The following SS18 variants were observed in gnomAD, a reference collection of about 807,000 sequenced individuals.
The protein encoded by SS18 is SS18 subunit of BAF chromatin remodeling complex.
SS18 carries 28 observed loss-of-function variants against 72.5 expected under a neutral mutation model. That is an observed-to-expected ratio of 0.39 (90% CI 0.29 to 0.53). The LOEUF is 0.53. Among genes scored for constraint, SS18 ranks in the 20% least tolerant of loss-of-function variants. The probability of loss-of-function intolerance (pLI) is 0.76; values close to 1 mark genes in which losing one functional copy is unlikely to be tolerated. For synonymous variants in SS18, 172 were observed against 164.2 expected (o/e 1.05, Z -0.37); for missense variants, 518 against 535.3 (o/e 0.97, Z 0.32).
At chr18:26,020,807 A>T (rs2053335547) in intron 10 of SS18, among the ~76,000 whole-genome samples, 1 of 152,200 alleles carries the variant, frequency 6.6e-6, no homozygotes, top group Admixed American at 6.5e-5. Context: ...TCTGAATAGC[A>T]GAAAAGAAGA....
At chr18:26,038,801 T>C in intron 6 of SS18, 142 bp from the exon 7 acceptor site, 2 of 728,548 alleles carry the variant, frequency 2.7e-6, no homozygotes, top group Admixed American at 2.5e-5. Context: ...TACTTTTAGC[T>C]ATTCATATAC....
At chr18:26,067,755 A>G (rs953890788) in intron 3 of SS18, among the ~76,000 whole-genome samples, 1 of 152,210 alleles carries the variant, frequency 6.6e-6, no homozygotes, top group Non-Finnish European at 1.5e-5. Context: ...AAGCTAAAGA[A>G]TAAGTTTCAA....
At chr18:26,047,622 A>G (rs185950941) in intron 5 of SS18, among the ~76,000 whole-genome samples, 2,214 of 152,216 alleles carry the variant, frequency 0.015, 59 homozygotes, top group African/African-American at 0.051. Context: ...CGGGCAGATC[A>G]CAAGGTCAGG....
chr18:26,061,350 C>T (rs1003788362), intron 3 of SS18, among the ~76,000 whole-genome samples: 19 of 152,004 alleles, frequency 1.2e-4, no homozygotes, highest in East Asian at 3.9e-4. Flanking sequence ...ACAGGACAGA[C>T]GGAGAATTTC....
At chr18:26,053,121 T>C (rs1296095370) in intron 4 of SS18, among the ~76,000 whole-genome samples, 1 of 152,156 alleles carries the variant, frequency 6.6e-6, no homozygotes, top group African/African-American at 2.4e-5. Context: ...ATCATAAGGT[T>C]GGAGTAATTA....
rs1167058239 is a variant in SS18, at chr18:26,035,700, T to A, written c.973+131A>T. The stretch of plus-strand genomic sequence containing the variant: ...ATTATTTTGATTGTTTTGGGCTCCC[T>A]GCAACTTTCAAGAAAGCCAGCAACT... On this transcript the variant is annotated intron_variant, in intron 8 of 10. Coordinates refer to ENST00000415083, the MANE Select transcript of SS18 (RefSeq NM_001007559.3). This position sits in a 1 kb window ranked among gnomAD's most constrained non-coding sequence, Gnocchi z 4.4. 4.1e-6 allele frequency: 2 copies of A among 486,860 alleles called. No individual in the cohort carries two copies. The highest frequency in any genetic ancestry group is 7.0e-6 in the Non-Finnish European group (2 of 284,146). The allele number at this position is 486,860 out of a possible 1,614,324, so 30.2% of individuals were successfully genotyped here.
rs554710971 is a variant in SS18 at position 26,080,233 on chromosome 18, TTAAAA to T, written c.147-2078_147-2074del. 698 of 513,982 alleles carry T rather than the reference TTAAAA, an allele frequency of 1.4e-3. 4 individuals carry two copies. Among genetic ancestry groups the T allele is most frequent in the African/African-American group, 0.014 (653 of 48,170 alleles). The allele number at this position is 513,982 out of a possible 1,614,324, so 31.8% of individuals were successfully genotyped here. ...ATTCTGTAGAGATCTAGGAAGGAAC[TTAAAA>T]TATAGTGTTCCATATCTTGCCATTT... is the stretch of plus-strand genomic sequence containing the variant. On this transcript the variant is annotated intron_variant, in intron 2 of 10. Transcript: ENST00000415083.
intron 10 of SS18, among the ~76,000 whole-genome samples, chr18:26,028,627 A>C (rs916832681): frequency 6.6e-6 from 1 of 152,240 alleles, no homozygotes; most frequent in Non-Finnish European, 1.5e-5. Context: ...GTATCAAAAC[A>C]ATTATGCTGA....
At chr18:26,022,008 T>C (rs1449646279) in intron 10 of SS18, among the ~76,000 whole-genome samples, 1 of 152,126 alleles carries the variant, frequency 6.6e-6, no homozygotes, top group Non-Finnish European at 1.5e-5. Context: ...GGAGAGTATA[T>C]TGAATGAGAA....
rs574901533 is a variant in SS18, at chr18:26,089,097, A to C, written c.69+1404T>G. On this transcript the variant is annotated intron_variant, in intron 1 of 10. Transcript: ENST00000415083. Reference sequence around the variant, plus strand: ...ATATCAATCTCTCCCATTGTAGAATAAGGCAATTAATTTAGAGCCCATTTT... The same window carrying C: ...ATATCAATCTCTCCCATTGTAGAATCAGGCAATTAATTTAGAGCCCATTTT... 2.0e-5 allele frequency among the ~76,000 whole-genome samples: 3 copies of C among 152,356 alleles called. 1 individual carries two copies. In the East Asian group the frequency reaches 5.8e-4, roughly 29 times the overall value.
intron 5 of SS18, among the ~76,000 whole-genome samples, chr18:26,049,648 C>A (rs1655363276): frequency 6.6e-6 from 1 of 152,128 alleles, no homozygotes; most frequent in Admixed American, 6.5e-5. Flanking sequence ...GTAGCTGGGA[C>A]TGCAGGCACA....
chr18:26,025,153 T>C (rs1011976445), intron 10 of SS18, among the ~76,000 whole-genome samples: 1 of 152,070 alleles, frequency 6.6e-6, no homozygotes, highest in Admixed American at 6.6e-5. Flanking sequence ...TTCTGATGTG[T>C]TGTGGGTCAA....
At position 26,023,780 on chromosome 18, in the gene SS18, G is replaced by A. The variant is rs189107899; in HGVS notation, c.1231-5400C>T. On this transcript the variant is annotated intron_variant, in intron 10 of 10. Coordinates refer to ENST00000415083, the MANE Select transcript of SS18 (RefSeq NM_001007559.3). Reference sequence around the variant, plus strand: ...CAAAAATGATACCACATAGTAATATGAATCCATACATAAATAATGAAGAGT... The same window carrying A: ...CAAAAATGATACCACATAGTAATATAAATCCATACATAAATAATGAAGAGT... 86 of 379,842 alleles carry A rather than the reference G, an allele frequency of 2.3e-4. No individual in the cohort carries two copies. The East Asian group carries it at 3.3e-3, about 15-fold the overall frequency. The allele number at this position is 379,842 out of a possible 1,614,324, so 23.5% of individuals were successfully genotyped here.
Position 26,048,803 on chromosome 18 carries a change from C to A in SS18, c.607+3821G>T, listed in dbSNP as rs184742394. On this transcript the variant is annotated intron_variant, in intron 5 of 10. Coordinates refer to ENST00000415083, the MANE Select transcript of SS18 (RefSeq NM_001007559.3). ...CACTTTCTTAATACTATTAAAACAC[C>A]CAGAAATAAATTAGATGCTGTGGCT... Among the ~76,000 whole-genome samples, 5 of 152,186 alleles carry A rather than the reference C, an allele frequency of 3.3e-5. No homozygotes were observed. The South Asian group carries it at 1.0e-3, about 32-fold the overall frequency.
At chr18:26,060,749 ACT>A (rs1374987196) in intron 3 of SS18, among the ~76,000 whole-genome samples, 1 of 123,564 alleles carries the variant, frequency 8.1e-6, no homozygotes, top group African/African-American at 3.0e-5. Context: ...ACATGGTGAA[ACT>A]CTGTCTCTAC....
At chr18:26,025,391 A>C (rs1567987445) in intron 10 of SS18, among the ~76,000 whole-genome samples, 1 of 152,150 alleles carries the variant, frequency 6.6e-6, no homozygotes. Context: ...AAATCAAAGA[A>C]ACAGAAAAGC....
intron 10 of SS18, among the ~76,000 whole-genome samples, chr18:26,019,892 G>C (rs2053317662): frequency 6.7e-6 from 1 of 150,006 alleles, no homozygotes; most frequent in Non-Finnish European, 1.5e-5. Flanking sequence ...CATCTTGAAG[G>C]ATTTATGAGT....
At chr18:26,030,893 A>G (rs1203516304) in intron 10 of SS18, among the ~76,000 whole-genome samples, 1 of 152,196 alleles carries the variant, frequency 6.6e-6, no homozygotes, top group Non-Finnish European at 1.5e-5. Context: ...GAGGAACAAA[A>G]TGTTTCAGAA....
chr18:26,023,552 T>G, intron 10 of SS18: 1 of 473,664 alleles, frequency 2.1e-6, no homozygotes, highest in South Asian at 1.9e-5. Flanking sequence ...AATGTCTCCT[T>G]GGAAACAATG....
Sources: allele counts gnomAD v4.1 joint callset (sites outside exome capture counted in the v4.1 genomes callset), GRCh38; gene constraint gnomAD v4.1.1; non-coding constraint Gnocchi (gnomAD v3.1); transcripts MANE v1.5; gene names NCBI Gene and HGNC (gene_info 2026-07-23, HGNC 2026-07-21).